Variants in GMPR observed in about 807,000 individuals in gnomAD.
GMPR encodes guanosine monophosphate reductase.
In GMPR, 31 loss-of-function variants were observed where a neutral mutation model predicts 38.4. The ratio of observed to expected loss-of-function variants is 0.81; its 90% CI spans 0.61 to 1.09. The LOEUF is 1.09. Ranked by LOEUF, GMPR falls within the 50% of genes least tolerant of loss-of-function variation. The pLI is 0.00. For synonymous variants in GMPR, 162 were observed against 173.3 expected, an observed-to-expected ratio of 0.93 and a Z score of 0.51; for missense variants, 468 against 453.7, an observed-to-expected ratio of 1.03 and a Z score of -0.29.
intron 2 of GMPR, among the ~76,000 whole-genome samples, chr6:16,248,614 G>T (rs970806279): frequency 6.6e-6 from 1 of 152,130 alleles, no homozygotes; most frequent in Non-Finnish European, 1.5e-5. Context: ...AATGGAGTAG[G>T]GGTGGTCTGT....
At chr6:16,251,145 CTA>C (rs1178774978) in intron 3 of GMPR, among the ~76,000 whole-genome samples, 3 of 152,184 alleles carry the variant, frequency 2.0e-5, no homozygotes, top group Non-Finnish European at 4.4e-5. Context: ...ACCCAAATGT[CTA>C]TCAGTGGGTG....
In GMPR at chr6:16,250,237, G is replaced by A. The variant is rs372108256; in HGVS notation, c.208-47G>A. The A allele has an allele frequency of 5.2e-6, 5 of 957,628 alleles. No homozygotes were observed. The Admixed American group carries it at 6.8e-5, about 13-fold the overall frequency. The allele number at this position is 957,628 out of a possible 1,614,324, so 59.3% of individuals were successfully genotyped here. ...CACCTCCAGATGGAGGAGGGAGGGGGGCTCTCACTTGGCTTCCCATCCTAA... is the reference window on the plus strand; with the variant it reads ...CACCTCCAGATGGAGGAGGGAGGGGAGCTCTCACTTGGCTTCCCATCCTAA... On this transcript the variant is annotated intron_variant, in intron 2 of 8. Transcript: ENST00000259727.
chr6:16,269,346 G>A (rs193183087), intron 4 of GMPR, among the ~76,000 whole-genome samples: 157 of 152,306 alleles, frequency 1.0e-3, no homozygotes, highest in Middle Eastern at 0.01. Flanking sequence ...AGATCTTTCC[G>A]AACTTATTTT....
Position 16,241,421 on chromosome 6 carries a change from A to G in GMPR, c.87+2641A>G, listed in dbSNP as rs564203037. Among the ~76,000 whole-genome samples, 75 of 152,328 alleles carry G rather than the reference A, an allele frequency of 4.9e-4. 1 individual carries two copies. The East Asian group carries it at 0.012, about 24-fold the overall frequency. On this transcript the variant is annotated intron_variant, in intron 1 of 8. Coordinates refer to ENST00000259727, the MANE Select transcript of GMPR (RefSeq NM_006877.4). The stretch of plus-strand genomic sequence containing the variant: ...ACCAGCCTTCCATAAATGAACATGA[A>G]TGAGATGAATCTGAGGTCACCTCTG...
intron 4 of GMPR, among the ~76,000 whole-genome samples, chr6:16,265,295 G>A (rs184853646): frequency 6.6e-6 from 1 of 152,144 alleles, no homozygotes; most frequent in Non-Finnish European, 1.5e-5. Flanking sequence ...AGAGGTAATA[G>A]CACCTACTTT....
chr6:16,251,828 T>C (rs7752579), intron 3 of GMPR, among the ~76,000 whole-genome samples: 79,858 of 151,848 alleles, frequency 0.53, 23,092 homozygotes, highest in East Asian at 0.92. Context: ...GTGAACTGTA[T>C]GGTATGTCAT....
At chr6:16,238,812 G>C in intron 1 of GMPR, 32 bp downstream of exon 1, 1 of 1,319,990 alleles carries the variant, frequency 7.6e-7, no homozygotes, top group Non-Finnish European at 1.0e-6. Context: ...CAGTGGGGTG[G>C]GATTTTTTTT....
At chr6:16,247,506 C>T (rs7769608) in intron 2 of GMPR, among the ~76,000 whole-genome samples, 3 of 152,070 alleles carry the variant, frequency 2.0e-5, no homozygotes, top group South Asian at 4.1e-4. Flanking sequence ...TCCCAAGTAG[C>T]TAGGACTACA....
At chr6:16,266,155 TTG>T (rs1561827010) in intron 4 of GMPR, among the ~76,000 whole-genome samples, 42 of 122,106 alleles carry the variant, frequency 3.4e-4, no homozygotes, top group African/African-American at 1.9e-3. Context: ...GCTGTAACAC[TTG>T]CCATCTTTAA....
At chr6:16,272,939 A>G (rs1357207317) in intron 4 of GMPR, among the ~76,000 whole-genome samples, 2 of 152,154 alleles carry the variant, frequency 1.3e-5, no homozygotes. Context: ...CTGTGGTTAT[A>G]GGCGTGAGCC....
At chr6:16,287,794 T>G (rs1473887993) in intron 7 of GMPR, among the ~76,000 whole-genome samples, 1 of 152,214 alleles carries the variant, frequency 6.6e-6, no homozygotes, top group Non-Finnish European at 1.5e-5. Flanking sequence ...TGCTGCCACT[T>G]AGGAAGGTTG....
At chr6:16,264,894 C>G (rs1386949347) in intron 4 of GMPR, among the ~76,000 whole-genome samples, 1 of 152,132 alleles carries the variant, frequency 6.6e-6, no homozygotes, top group African/African-American at 2.4e-5. Flanking sequence ...AGGCCTGACA[C>G]CTTTCACCTA....
chr6:16,257,460 A>G (rs556013456), intron 4 of GMPR, among the ~76,000 whole-genome samples: 64 of 152,202 alleles, frequency 4.2e-4, no homozygotes, highest in Admixed American at 1.0e-3. Context: ...TCAGCTGTAT[A>G]TATATATTCC....
intron 4 of GMPR, among the ~76,000 whole-genome samples, chr6:16,256,037 G>A (rs1758966830): frequency 6.6e-6 from 1 of 151,720 alleles, no homozygotes. Context: ...CCAACATGGC[G>A]AAACCGTGTC....
At chr6:16,289,295 A>G (rs1759776176) in intron 7 of GMPR, among the ~76,000 whole-genome samples, 2 of 152,234 alleles carry the variant, frequency 1.3e-5, no homozygotes, top group African/African-American at 2.4e-5. Flanking sequence ...CAGTGAGACC[A>G]AGAACCCACC....
intron 7 of GMPR, among the ~76,000 whole-genome samples, chr6:16,287,347 A>G (rs1430008871): frequency 6.6e-6 from 1 of 152,202 alleles, no homozygotes; most frequent in Non-Finnish European, 1.5e-5. Flanking sequence ...CTCTCTGTAC[A>G]GAGGGAGAGC....
At chr6:16,291,198 C>G (rs1264923424) in intron 8 of GMPR, among the ~76,000 whole-genome samples, 1 of 152,146 alleles carries the variant, frequency 6.6e-6, no homozygotes, top group Non-Finnish European at 1.5e-5. Context: ...GGGCTTACTT[C>G]TGCTGATGTG....
chr6:16,276,991 C>T (rs959272161), intron 5 of GMPR, among the ~76,000 whole-genome samples: 10 of 152,222 alleles, frequency 6.6e-5, no homozygotes, highest in African/African-American at 2.4e-4. Flanking sequence ...GCCCTCACTA[C>T]TATCAGAACC....
intron 4 of GMPR, among the ~76,000 whole-genome samples, chr6:16,265,795 G>A (rs1759188149): frequency 6.6e-6 from 1 of 151,640 alleles, no homozygotes; most frequent in African/African-American, 2.4e-5. Context: ...AGCCAGCCCG[G>A]ATAACCCACT....
Sources: gnomAD v4.1 joint callset for allele counts (sites outside exome capture counted in the v4.1 genomes callset) on GRCh38, gnomAD v4.1.1 for gene constraint, MANE v1.5 for transcripts, NCBI Gene and HGNC (gene_info 2026-07-23, HGNC 2026-07-21) for gene names.